SATB1: variants seen among roughly 807,000 people sequenced by gnomAD.
SATB1 encodes the protein SATB homeobox 1.
SATB1 carries 11 observed loss-of-function variants against 86.9 expected under a neutral mutation model. The ratio of observed to expected loss-of-function variants is 0.13; its 90% CI spans 0.08 to 0.21. SATB1 has a LOEUF of 0.21. Among genes scored for constraint, SATB1 ranks in the 10% least tolerant of loss-of-function variants. The pLI, the probability that SATB1 is intolerant of heterozygous loss-of-function variation, is 1.00. For synonymous variants in SATB1, 357 were observed against 357.2 expected (o/e 1.00, Z 0.01); for missense variants, 551 against 937.6 (o/e 0.59, Z 5.39).
At chr3:18,379,232 T>C (rs1435175555) in intron 8 of SATB1, among the ~76,000 whole-genome samples, 2 of 152,224 alleles carry the variant, frequency 1.3e-5, no homozygotes, top group Admixed American at 1.3e-4. Flanking sequence ...CAAAATGTAC[T>C]GATACTATAA....
At chr3:18,391,937 G>A (rs1049319714) in intron 7 of SATB1, among the ~76,000 whole-genome samples, 4 of 152,188 alleles carry the variant, frequency 2.6e-5, no homozygotes, top group African/African-American at 9.7e-5. Flanking sequence ...ATGCCTGCAT[G>A]TGCAAAAGTT....
chr3:18,376,408 T>C lies in SATB1; in HGVS notation c.1575+1762A>G, dbSNP rs77732613. On this transcript the variant is annotated intron_variant, in intron 9 of 10. Transcript: ENST00000338745. ...TGTCCAGTTTCTCCATTTTGGAGAT[T>C]TAGGGAAACAGGCTTTTGTAGGAAT... Among the ~76,000 whole-genome samples the C allele has an allele frequency of 1.8e-4, 28 of 152,154 alleles. No individual in the cohort carries two copies. In the East Asian group the frequency reaches 5.4e-3, roughly 29 times the overall value.
chr3:18,351,148 C>T (rs1481034542), intron 10 of SATB1: 2 of 658,118 alleles, frequency 3.0e-6, no homozygotes, highest in African/African-American at 1.8e-5. Context: ...AGTCCCATGA[C>T]ATGACAAACA....
At chr3:18,405,216 G>C (rs989443871) in intron 5 of SATB1, among the ~76,000 whole-genome samples, 1 of 151,828 alleles carries the variant, frequency 6.6e-6, no homozygotes, top group African/African-American at 2.4e-5. Flanking sequence ...AATTTTATTT[G>C]ATTTTATTGA....
At chr3:18,419,075 G>C (rs1254253107) in intron 2 of SATB1, among the ~76,000 whole-genome samples, 1 of 152,088 alleles carries the variant, frequency 6.6e-6, no homozygotes, top group Non-Finnish European at 1.5e-5. Context: ...TAACTGCAGG[G>C]TTTTCAAACT....
At chr3:18,442,511 T>C (rs1008248931), upstream of SATB1, among the ~76,000 whole-genome samples, 6 of 152,224 alleles carry the variant, frequency 3.9e-5, no homozygotes, top group Non-Finnish European at 1.5e-5. Flanking sequence ...AAATGCATAG[T>C]CATTTAAAAC....
intron 9 of SATB1, among the ~76,000 whole-genome samples, chr3:18,368,881 C>T (rs1468365412): frequency 1.3e-5 from 2 of 152,062 alleles, no homozygotes; most frequent in Non-Finnish European, 2.9e-5. Context: ...TTTAGTTTTC[C>T]ACCAGCTTAT....
intron 5 of SATB1, among the ~76,000 whole-genome samples, chr3:18,407,510 T>G (rs909670708): frequency 1.3e-5 from 2 of 152,022 alleles, no homozygotes; most frequent in Non-Finnish European, 2.9e-5. Flanking sequence ...ATGGCACACT[T>G]TAGGACTGAA....
chr3:18,403,174 C>T (rs1409370908), intron 5 of SATB1, among the ~76,000 whole-genome samples: 1 of 152,068 alleles, frequency 6.6e-6, no homozygotes, highest in African/African-American at 2.4e-5. Context: ...TCCTCGAAAA[C>T]TATAAAGACA....
chr3:18,351,851 G>A, intron 10 of SATB1, 141 bp downstream of exon 10: 1 of 734,940 alleles, frequency 1.4e-6, no homozygotes, highest in Non-Finnish European at 2.3e-6. Context: ...TTATCCCCCT[G>A]AGCAAGATGG....
At chr3:18,440,242 G>T (rs1699202371), upstream of SATB1, among the ~76,000 whole-genome samples, 1 of 152,152 alleles carries the variant, frequency 6.6e-6, no homozygotes, top group Non-Finnish European at 1.5e-5. Context: ...TTCTTTTGGG[G>T]TTTTGATGTT....
chr3:18,382,685 C>T (rs1696125529), intron 8 of SATB1, among the ~76,000 whole-genome samples: 1 of 152,136 alleles, frequency 6.6e-6, no homozygotes, highest in African/African-American at 2.4e-5. Context: ...CCAGAAATGC[C>T]ATTGTCTAGT....
chr3:18,363,723 A>G (rs1045270997), intron 9 of SATB1, among the ~76,000 whole-genome samples: 53 of 152,306 alleles, frequency 3.5e-4, no homozygotes, highest in African/African-American at 1.1e-3. Flanking sequence ...CCTACAAAGA[A>G]TTCCTGAGTA....
At position 18,346,355 on chromosome 3, in the gene SATB1, T is replaced by C. The variant is rs564427243; in HGVS notation, c.*2815A>G. 9 of 152,266 alleles carry C rather than the reference T, an allele frequency of 5.9e-5. No individual in the cohort carries two copies. The highest frequency in any genetic ancestry group is 1.9e-4 in the African/African-American group (8 of 41,560). The allele number at this position is 152,266 out of a possible 1,614,324, so 9.4% of individuals were successfully genotyped here. On this transcript the variant is annotated 3_prime_UTR_variant, in exon 11 of 11. Transcript: ENST00000338745. ...AAGGTCTTAACAGCACAAAACGCTA[T>C]GTCATGCCCAGCTTTTAAAAGTCTC...
intron 10 of SATB1, chr3:18,350,616 A>G (rs1289870797): frequency 1.3e-5 from 2 of 152,338 alleles, no homozygotes. Flanking sequence ...CAATTTTATT[A>G]AAAACAATTT....
intron 6 of SATB1, 64 bp downstream of exon 6, chr3:18,397,115 T>C: frequency 1.1e-6 from 1 of 935,238 alleles, no homozygotes; most frequent in East Asian, 2.4e-5. Context: ...AGATGTGACT[T>C]TGATAAACCC....
chr3:18,440,037 C>T (rs552767459), upstream of SATB1, among the ~76,000 whole-genome samples: 5 of 152,312 alleles, frequency 3.3e-5, no homozygotes, highest in South Asian at 8.3e-4. Context: ...ATTTTCAGAA[C>T]TCCATTAAAA....
At chr3:18,426,141 A>G (rs577712473), upstream of SATB1, among the ~76,000 whole-genome samples, 69 of 152,318 alleles carry the variant, frequency 4.5e-4, 1 homozygote, top group Admixed American at 3.5e-3. This position sits in a 1 kb window ranked among gnomAD's most constrained non-coding sequence, Gnocchi z 4.2. Context: ...AAACGTGTAC[A>G]GCAATAAAGG....
intron 8 of SATB1, among the ~76,000 whole-genome samples, chr3:18,383,343 G>C (rs1696155628): frequency 6.6e-6 from 1 of 152,142 alleles, no homozygotes. Context: ...CCTTGTTATG[G>C]TATGTCCCAA....
Sources: gnomAD v4.1 joint callset for allele counts (sites outside exome capture counted in the v4.1 genomes callset) on GRCh38, gnomAD v4.1.1 for gene constraint, Gnocchi (gnomAD v3.1) non-coding constraint, MANE v1.5 for transcripts, NCBI Gene and HGNC (gene_info 2026-07-23, HGNC 2026-07-21) for gene names.